Variants in PTPRN2 observed in about 807,000 individuals in gnomAD.
The protein encoded by PTPRN2 is protein tyrosine phosphatase receptor type N2.
PTPRN2 carries 74 observed loss-of-function variants against 118.8 expected under a neutral mutation model. That is an observed-to-expected ratio of 0.62 (90% CI 0.52 to 0.76). The LOEUF (loss-of-function observed/expected upper bound fraction) is 0.76. Among genes scored for constraint, PTPRN2 ranks in the 30% least tolerant of loss-of-function variants. The probability of loss-of-function intolerance (pLI) is 0.00; values close to 1 mark genes in which losing one functional copy is unlikely to be tolerated. For synonymous variants in PTPRN2, 641 were observed against 608.0 expected, an observed-to-expected ratio of 1.05 and a Z score of -0.80; for missense variants, 1,481 against 1,394.4, an observed-to-expected ratio of 1.06 and a Z score of -0.99.
chr7:158,193,635 A>G (rs1477865343), intron 4 of PTPRN2, among the ~76,000 whole-genome samples: 3 of 151,956 alleles, frequency 2.0e-5, no homozygotes, highest in Non-Finnish European at 2.9e-5. Flanking sequence ...CTGGGACACG[A>G]TGGGCATGGC....
rs976496102 is a variant in PTPRN2 at position 157,571,560 on chromosome 7, T to A, written c.2784-67A>T. 18 of 1,249,548 alleles carry A rather than the reference T, an allele frequency of 1.4e-5. No homozygotes were observed. The African/African-American group carries it at 2.6e-4, about 18-fold the overall frequency. The allele number at this position is 1,249,548 out of a possible 1,614,324, so 77.4% of individuals were successfully genotyped here. On this transcript the variant is annotated intron_variant, in intron 19 of 22. Transcript: ENST00000389418. ...GACTTTGCGTTATCCAAAACAACTA[T>A]TAAAACAAAGCGCAAGGTCTGTGTG...
chr7:157,787,108 ACGCGGG>A lies in PTPRN2; in HGVS notation c.1789-104177_1789-104172del, dbSNP rs1219858947. ...GCGGGGGTGGCTGCCCGGGAGGCGGACGCGGGTGCGGCGGGGGACGCGGGGGTGGCT... is the reference window on the plus strand; with the variant it reads ...GCGGGGGTGGCTGCCCGGGAGGCGGATGCGGCGGGGGACGCGGGGGTGGCT... On this transcript the variant is annotated intron_variant, in intron 12 of 22. Coordinates refer to ENST00000389418, the MANE Select transcript of PTPRN2 (RefSeq NM_002847.5). This position sits in a 1 kb window ranked among gnomAD's most constrained non-coding sequence, Gnocchi z 5.3. Among the ~76,000 whole-genome samples the A allele has an allele frequency of 9.0e-6, 1 of 110,956 alleles. No homozygotes were observed. The highest frequency in any genetic ancestry group is 2.4e-4 in the East Asian group (1 of 4,186). The allele number at this position is 110,956 out of a possible 152,430, so 72.8% of individuals were successfully genotyped here. A position where few individuals can be genotyped will look rare whatever the true frequency, so the allele number is the denominator to read the frequency against.
At chr7:158,522,936 G>C (rs957815310) in intron 1 of PTPRN2, among the ~76,000 whole-genome samples, 1 of 152,192 alleles carries the variant, frequency 6.6e-6, no homozygotes, top group Non-Finnish European at 1.5e-5. Flanking sequence ...AGATCACCCA[G>C]AACTTGCTGG....
chr7:158,557,385 T>TAGGCAGCTCCCACGCAGGTC (rs1827112795), intron 1 of PTPRN2, among the ~76,000 whole-genome samples: 2 of 129,128 alleles, frequency 1.5e-5, no homozygotes, highest in Non-Finnish European at 3.3e-5. Context: ...CCACGCAGTT[T>TAGGCAGCTCCCACGCAGGTC]AGGCAGCTCC....
At chr7:158,219,436 A>G (rs1004901637) in intron 3 of PTPRN2, among the ~76,000 whole-genome samples, 27 of 152,156 alleles carry the variant, frequency 1.8e-4, no homozygotes, top group Admixed American at 1.6e-3. Flanking sequence ...AGGAAAGTTT[A>G]TAACACTAAA....
chr7:158,104,278 C>T (rs1485542645), intron 10 of PTPRN2, among the ~76,000 whole-genome samples: 1 of 152,142 alleles, frequency 6.6e-6, no homozygotes, highest in Non-Finnish European at 1.5e-5. Flanking sequence ...TGAGGAAGGC[C>T]AGGATGAAGA....
At chr7:158,580,821 G>A (rs762801781) in intron 1 of PTPRN2, among the ~76,000 whole-genome samples, 2 of 152,156 alleles carry the variant, frequency 1.3e-5, no homozygotes, top group African/African-American at 2.4e-5. Flanking sequence ...TGGACACATC[G>A]AGTAGTGAAT....
chr7:158,199,862 G>A (rs1826496423), intron 4 of PTPRN2, among the ~76,000 whole-genome samples: 1 of 152,174 alleles, frequency 6.6e-6, no homozygotes, highest in Admixed American at 6.5e-5. Flanking sequence ...GAGTGAGGAT[G>A]CTGAAAGCCA....
At chr7:158,513,914 T>C (rs1823354546) in intron 1 of PTPRN2, among the ~76,000 whole-genome samples, 1 of 152,180 alleles carries the variant, frequency 6.6e-6, no homozygotes, top group Non-Finnish European at 1.5e-5. Context: ...AAGTTATGGG[T>C]TATTCAAAGC....
intron 11 of PTPRN2, among the ~76,000 whole-genome samples, chr7:157,945,680 G>T (rs796626659): frequency 6.6e-6 from 1 of 150,594 alleles, no homozygotes; most frequent in African/African-American, 2.4e-5. Flanking sequence ...GGACGATGCC[G>T]CCTCCAGCTT....
chr7:158,327,104 T>G (rs530299875), intron 2 of PTPRN2, among the ~76,000 whole-genome samples: 1 of 143,732 alleles, frequency 7.0e-6, no homozygotes, highest in Non-Finnish European at 1.5e-5. Context: ...TTCTCACCCA[T>G]GCACATTCTC....
chr7:157,902,402 C>T (rs10949669), intron 11 of PTPRN2, among the ~76,000 whole-genome samples: 965 of 80,768 alleles, frequency 0.012, 1 homozygote, highest in East Asian at 0.059. Flanking sequence ...CTCAAGAGCA[C>T]GTGGGGACCA....
intron 11 of PTPRN2, among the ~76,000 whole-genome samples, chr7:157,915,850 T>C (rs1798365787): frequency 6.6e-6 from 1 of 152,174 alleles, no homozygotes; most frequent in African/African-American, 2.4e-5. Flanking sequence ...ATTCTCGTAG[T>C]TTTGTTTTTG....
rs1161603697 is a variant in PTPRN2 at position 157,590,983 on chromosome 7, C to T, written c.2496+4255G>A. On this transcript the variant is annotated intron_variant, in intron 17 of 22. Transcript: ENST00000389418. This position sits in a 1 kb window ranked among gnomAD's most constrained non-coding sequence, Gnocchi z 4.0. Reference sequence around the variant, plus strand: ...CATGTACCCCCAAATCCATGTCCACCTGGAACCCATGAATGTGGTCTTATT... The same window carrying T: ...CATGTACCCCCAAATCCATGTCCACTTGGAACCCATGAATGTGGTCTTATT... Among the ~76,000 whole-genome samples, 1 of 152,178 alleles carries T rather than the reference C, an allele frequency of 6.6e-6. No individual in the cohort carries two copies. The highest frequency in any genetic ancestry group is 1.5e-5 in the Non-Finnish European group (1 of 68,034).
At chr7:158,385,329 C>T (rs1015806635) in intron 2 of PTPRN2, among the ~76,000 whole-genome samples, 6 of 152,040 alleles carry the variant, frequency 3.9e-5, no homozygotes, top group African/African-American at 1.2e-4. Context: ...TCAATTGAAC[C>T]GATGAAGATG....
intron 3 of PTPRN2, among the ~76,000 whole-genome samples, chr7:158,256,385 C>T (rs539284596): frequency 6.6e-6 from 1 of 152,308 alleles, no homozygotes; most frequent in Non-Finnish European, 1.5e-5. Context: ...GGAGTTGTCA[C>T]GTGCACCCTT....
intron 11 of PTPRN2, among the ~76,000 whole-genome samples, chr7:157,976,908 A>G (rs1802797119): frequency 6.6e-6 from 1 of 151,902 alleles, no homozygotes; most frequent in Admixed American, 6.6e-5. Context: ...CAAATCGTCA[A>G]AGCCAGGCAT....
chr7:158,045,798 T>C (rs1808805363), intron 11 of PTPRN2, among the ~76,000 whole-genome samples: 1 of 151,002 alleles, frequency 6.6e-6, no homozygotes, highest in African/African-American at 2.4e-5. Flanking sequence ...GAGCAGAACC[T>C]GCGATCCTGG....
At chr7:157,852,576 T>TA (rs1442083427) in intron 12 of PTPRN2, among the ~76,000 whole-genome samples, 1 of 152,128 alleles carries the variant, frequency 6.6e-6, no homozygotes, top group Non-Finnish European at 1.5e-5. Context: ...CCTGCTTCCT[T>TA]AAAAAATACA....
Sources: gnomAD v4.1 joint callset for allele counts (sites outside exome capture counted in the v4.1 genomes callset) on GRCh38, gnomAD v4.1.1 for gene constraint, Gnocchi (gnomAD v3.1) non-coding constraint, MANE v1.5 for transcripts, NCBI Gene and HGNC (gene_info 2026-07-23, HGNC 2026-07-21) for gene names.